DLG2: variants seen among roughly 807,000 people sequenced by gnomAD.
DLG2 encodes discs large MAGUK scaffold protein 2.
DLG2 carries 45 observed loss-of-function variants against 132.5 expected under a neutral mutation model. The observed-to-expected ratio is 0.34, with a 90% CI of 0.27 to 0.44. DLG2 has a LOEUF of 0.44. Among genes scored for constraint, DLG2 ranks in the 20% least tolerant of loss-of-function variants. DLG2 has a pLI of 1.00. For synonymous variants in DLG2, 424 were observed against 419.6 expected (o/e 1.01, Z -0.13); for missense variants, 1,045 against 1,196.9 (o/e 0.87, Z 1.87).
At chr11:85,469,634 C>A (rs1405167130) in intron 3 of DLG2, 1 of 152,210 alleles carries the variant, frequency 6.6e-6, no homozygotes, top group African/African-American at 2.4e-5. Context: ...CAGCCTTTCA[C>A]CTGGTGTGGT....
rs189621302 is a variant in DLG2 at position 84,297,750 on chromosome 11, T to C, written c.520-46459A>G. Among the ~76,000 whole-genome samples, 250 of 152,232 alleles carry C rather than the reference T, an allele frequency of 1.6e-3. 3 individuals are homozygous for C. Among genetic ancestry groups the C allele is most frequent in the African/African-American group, 5.8e-3 (242 of 41,548 alleles). On this transcript the variant is annotated intron_variant, in intron 7 of 27. Coordinates refer to ENST00000376104, the MANE Select transcript of DLG2 (RefSeq NM_001142699.3). ...CTTCCTTCCATGCCCCCAGTCTACC[T>C]GACCCAGCCTTACCTAACCCTCCAA... is the stretch of plus-strand genomic sequence containing the variant.
intron 6 of DLG2, among the ~76,000 whole-genome samples, chr11:84,613,790 C>T (rs1472249629): frequency 6.6e-6 from 1 of 152,124 alleles, no homozygotes; most frequent in African/African-American, 2.4e-5. Flanking sequence ...AGTCATTAAA[C>T]CTTACAATGG....
intron 7 of DLG2, among the ~76,000 whole-genome samples, chr11:84,471,824 T>C (rs1248935795): frequency 6.6e-6 from 1 of 151,916 alleles, no homozygotes; most frequent in Non-Finnish European, 1.5e-5. Flanking sequence ...CTCCTCCTGC[T>C]TTGAATCTGC....
At chr11:83,962,351 G>A (rs1013949127) in intron 14 of DLG2, among the ~76,000 whole-genome samples, 12 of 152,166 alleles carry the variant, frequency 7.9e-5, no homozygotes, top group African/African-American at 2.4e-4. Flanking sequence ...ATGCCAGGTC[G>A]TCACCTTGGG....
chr11:83,573,642 G>T (rs755652751), intron 19 of DLG2, among the ~76,000 whole-genome samples: 3 of 152,158 alleles, frequency 2.0e-5, no homozygotes, highest in Non-Finnish European at 4.4e-5. Flanking sequence ...TTATTGAGAA[G>T]AGTAGATAAT....
At chr11:83,825,678 C>CAG (rs1297302384) in intron 17 of DLG2, among the ~76,000 whole-genome samples, 16 of 152,130 alleles carry the variant, frequency 1.1e-4, no homozygotes, top group African/African-American at 3.6e-4. Flanking sequence ...GAGCTCAGCA[C>CAG]AGAGGGGACA....
intron 6 of DLG2, among the ~76,000 whole-genome samples, chr11:84,761,845 C>A (rs181194618): frequency 8.5e-5 from 13 of 152,262 alleles, no homozygotes; most frequent in Admixed American, 8.5e-4. Flanking sequence ...TTATAATAAA[C>A]TCCTCTTCAT....
intron 6 of DLG2, among the ~76,000 whole-genome samples, chr11:84,624,767 C>T (rs1355378253): frequency 6.6e-6 from 1 of 150,934 alleles, no homozygotes; most frequent in African/African-American, 2.4e-5. Context: ...TTAACCCACA[C>T]CACTCCCTCA....
chr11:85,041,484 G>T (rs2061862422), intron 6 of DLG2, among the ~76,000 whole-genome samples: 1 of 151,930 alleles, frequency 6.6e-6, no homozygotes, highest in East Asian at 1.9e-4. Flanking sequence ...TAGAGTTGTT[G>T]TGAGGATTAA....
At chr11:85,007,399 G>A (rs939703083) in intron 6 of DLG2, among the ~76,000 whole-genome samples, 4 of 152,056 alleles carry the variant, frequency 2.6e-5, no homozygotes, top group Admixed American at 6.6e-5. Context: ...AGTGGCTCAC[G>A]CCTGTAATCC....
At chr11:85,171,023 A>G (rs534776315) in intron 4 of DLG2, among the ~76,000 whole-genome samples, 1 of 152,308 alleles carries the variant, frequency 6.6e-6, no homozygotes, top group African/African-American at 2.4e-5. Flanking sequence ...GCAATCAGAA[A>G]ACTACCAACC....
At chr11:84,541,217 A>G (rs1258726497) in intron 6 of DLG2, among the ~76,000 whole-genome samples, 1 of 146,680 alleles carries the variant, frequency 6.8e-6, no homozygotes, top group Non-Finnish European at 1.5e-5. Context: ...ATAATAATAA[A>G]GAAACTTTGT....
intron 17 of DLG2, among the ~76,000 whole-genome samples, chr11:83,821,423 T>C (rs931385271): frequency 1.2e-4 from 19 of 152,176 alleles, no homozygotes; most frequent in African/African-American, 4.3e-4. Flanking sequence ...TATGGATTTT[T>C]TTTAGATGAA....
chr11:85,218,594 G>T, intron 4 of DLG2, among the ~76,000 whole-genome samples: 1 of 152,102 alleles, frequency 6.6e-6, no homozygotes, highest in Non-Finnish European at 1.5e-5. Flanking sequence ...TGGAGAAAAG[G>T]GAACACTTAT....
chr11:84,712,727 T>C (rs2060587995), intron 6 of DLG2, among the ~76,000 whole-genome samples: 1 of 152,156 alleles, frequency 6.6e-6, no homozygotes, highest in Non-Finnish European at 1.5e-5. Flanking sequence ...AATGTTTTGA[T>C]ATGTGATCTA....
In DLG2 at chr11:83,924,951, G is replaced by A. The variant is rs73508231; in HGVS notation, c.1496+5377C>T. On this transcript the variant is annotated intron_variant, in intron 15 of 27. Coordinates refer to ENST00000376104, the MANE Select transcript of DLG2 (RefSeq NM_001142699.3). ...TAGAAATTGATGGCTAGGTGTGGAC[G>A]GGGCCATTTCTTTGTGTATGTTAAT... 7.1e-3 allele frequency among the ~76,000 whole-genome samples: 1,077 copies of A among 152,148 alleles called. 13 individuals are homozygous for A. The highest frequency in any genetic ancestry group is 0.024 in the African/African-American group (1,016 of 41,530).
At chr11:85,141,248 G>C (rs1323789684) in intron 5 of DLG2, among the ~76,000 whole-genome samples, 1 of 151,578 alleles carries the variant, frequency 6.6e-6, no homozygotes, top group Non-Finnish European at 1.5e-5. Context: ...CTGCCTTTTG[G>C]ATAAAAGCCA....
intron 7 of DLG2, among the ~76,000 whole-genome samples, chr11:84,348,615 G>C (rs1316265676): frequency 6.6e-6 from 1 of 152,132 alleles, no homozygotes; most frequent in Non-Finnish European, 1.5e-5. Flanking sequence ...ATGGTGTATG[G>C]GTTGAATTAA....
At chr11:83,520,738 G>GGTA in intron 21 of DLG2, among the ~76,000 whole-genome samples, 1 of 151,274 alleles carries the variant, frequency 6.6e-6, no homozygotes, top group Admixed American at 6.6e-5. Context: ...TAGATAGATA[G>GGTA]AGTGGGCTAC....
Sources: allele counts gnomAD v4.1 joint callset (sites outside exome capture counted in the v4.1 genomes callset), GRCh38; gene constraint gnomAD v4.1.1; transcripts MANE v1.5; gene names NCBI Gene and HGNC (gene_info 2026-07-23, HGNC 2026-07-21).